Variants in TJP2 observed in about 807,000 individuals in gnomAD.
TJP2 encodes Friedreich ataxia region gene X104 (tight junction protein ZO-2).
A neutral mutation model predicts 133.1 loss-of-function variants in TJP2; 91 were observed. The observed-to-expected ratio is 0.68, with a 90% CI of 0.58 to 0.81. The LOEUF (loss-of-function observed/expected upper bound fraction) is 0.81, where lower values mean the gene tolerates loss of function less well. Ranked by LOEUF, TJP2 falls within the 40% of genes least tolerant of loss-of-function variation. The pLI is 0.00. For missense variants in TJP2, 1,541 were observed against 1,565.6 expected, an observed-to-expected ratio of 0.98 and a Z score of 0.26; for synonymous variants, 592 against 583.4, an observed-to-expected ratio of 1.01 and a Z score of -0.21.
At chr9:69,210,358 A>T (rs1827800980) in intron 1 of TJP2, among the ~76,000 whole-genome samples, 1 of 144,766 alleles carries the variant, frequency 6.9e-6, no homozygotes, top group Non-Finnish European at 1.5e-5. Flanking sequence ...ATGATGAATG[A>T]ATAGTGTATC....
upstream of TJP2, chr9:69,121,322 C>G (rs1463578218): frequency 1.0e-6 from 1 of 985,442 alleles, no homozygotes; most frequent in South Asian, 4.7e-5. Flanking sequence ...GCGTCTCCCT[C>G]CCGGGGCTCG....
At chr9:69,241,011 G>A (rs73452903) in intron 17 of TJP2, among the ~76,000 whole-genome samples, 9,056 of 152,254 alleles carry the variant, frequency 0.059, 291 homozygotes, top group South Asian at 0.067. Flanking sequence ...GAGGGGAGTA[G>A]ATGGGATTAT....
At chr9:69,205,580 TG>T (rs1222247122) in intron 1 of TJP2, among the ~76,000 whole-genome samples, 2 of 152,236 alleles carry the variant, frequency 1.3e-5, no homozygotes, top group Non-Finnish European at 2.9e-5. Flanking sequence ...TTTCTTGTTT[TG>T]GGATAAAACT....
chr9:69,168,667 C>T (rs567042382), intron 2 of TJP2, among the ~76,000 whole-genome samples: 16 of 151,596 alleles, frequency 1.1e-4, no homozygotes, highest in Admixed American at 4.6e-4. Flanking sequence ...TGGTGGTGGG[C>T]GCCTGTAGTC....
At chr9:69,249,303 T>C in intron 19 of TJP2, 72 bp from the exon 20 acceptor site, 1 of 1,551,170 alleles carries the variant, frequency 6.4e-7, no homozygotes, top group African/African-American at 1.4e-5. Flanking sequence ...GCAGAACTCC[T>C]CCAAAGCAGT....
At chr9:69,155,647 G>A (rs933893910) in intron 2 of TJP2, among the ~76,000 whole-genome samples, 21 of 152,240 alleles carry the variant, frequency 1.4e-4, no homozygotes, top group African/African-American at 4.8e-4. Flanking sequence ...CTCTATCTGT[G>A]GGGAAGGGAT....
In TJP2 at chr9:69,237,271, A is replaced by T. The variant is rs977881206; in HGVS notation, c.2179+135A>T. Reference sequence around the variant, plus strand: ...AAAGGCAGTTTATAGAGTTGAAATCAAATTCTAACAAGGAGCATGATTTAT... The same window carrying T: ...AAAGGCAGTTTATAGAGTTGAAATCTAATTCTAACAAGGAGCATGATTTAT... On this transcript the variant is annotated intron_variant, in intron 14 of 22. Coordinates refer to ENST00000377245, the MANE Select transcript of TJP2 (RefSeq NM_004817.4). 1.5e-5 allele frequency: 16 copies of T among 1,063,516 alleles called. No individual in the cohort carries two copies. The East Asian group carries it at 3.7e-4, about 24-fold the overall frequency. 65.9% of individuals were successfully genotyped at this position (1,063,516 alleles called of 1,614,324 possible). A position where few individuals can be genotyped will look rare whatever the true frequency, so the allele number is the denominator to read the frequency against.
rs531481444 is a variant in TJP2 at position 69,129,332 on chromosome 9, G to A, written c.-131+7607G>A. On this transcript the variant is annotated intron_variant, in intron 1 of 5. Coordinates refer to the TJP2 transcript ENST00000423935. Reference sequence around the variant, plus strand: ...TCGAGACCAGCCTGGCCAACATGGTGAAACCCAGTCTCTACTAAAAATATG... The same window carrying A: ...TCGAGACCAGCCTGGCCAACATGGTAAAACCCAGTCTCTACTAAAAATATG... Among the ~76,000 whole-genome samples, 24 of 152,126 alleles carry A rather than the reference G, an allele frequency of 1.6e-4. No homozygotes were observed. The South Asian group carries it at 2.9e-3, about 18-fold the overall frequency.
chr9:69,236,326 AC>A lies in TJP2; in HGVS notation c.1991+92del, dbSNP rs1830189914. ...CGCCCCCCTTCCCCCGTAAAAGGAA[AC>A]CCCACATGATGAGTTCATTACTTGT... On this transcript the variant is annotated intron_variant, in intron 13 of 22. Transcript: ENST00000377245. The A allele has an allele frequency of 2.3e-6, 3 of 1,326,878 alleles. No individual in the cohort carries two copies. In the Admixed American group the frequency reaches 5.6e-5, roughly 25 times the overall value. 82.2% of individuals were successfully genotyped at this position (1,326,878 alleles called of 1,614,324 possible). A position where few individuals can be genotyped will look rare whatever the true frequency, so the allele number is the denominator to read the frequency against.
Position 69,226,083 on chromosome 9 carries a change from C to T in TJP2, c.1118C>T (p.Ser373Leu). 6.2e-7 allele frequency: 1 copy of T among 1,614,084 alleles called. No individual in the cohort carries two copies. The change falls in exon 7 of 23, where the codon TCA becomes TTA. Residue 373 changes from serine (S) to leucine (L), a missense_variant. By Grantham distance (145) the Ser-to-Leu change is moderately radical. Coordinates refer to ENST00000377245, the MANE Select transcript of TJP2 (RefSeq NM_004817.4). ...GATGCTCGAAAATTGATAGAAAAGT[C>T]AAGAGGAAAACTACAGCTAGTGGTG... The part of the protein sequence containing the change: ...LTDARKLIEK[S>L]RGKLQLVVLR...
chr9:69,250,901 A>G, intron 20 of TJP2, 134 bp from the exon 21 acceptor site: 1 of 970,716 alleles, frequency 1.0e-6, no homozygotes, highest in Non-Finnish European at 1.6e-6. Flanking sequence ...CTGCTGTATT[A>G]CATTCCTTGT....
chr9:69,237,851 C>G (rs1298062552), intron 14 of TJP2, 27 bp from the exon 15 acceptor site: 7 of 1,536,036 alleles, frequency 4.6e-6, no homozygotes, highest in South Asian at 2.2e-5. Context: ...AGTGTGTATG[C>G]TTTAATGGCC....
At chr9:69,216,294 C>A in intron 2 of TJP2, 45 bp from the exon 3 acceptor site, 1 of 1,612,256 alleles carries the variant, frequency 6.2e-7, no homozygotes, top group Non-Finnish European at 8.5e-7. Context: ...ATCCTGAAAG[C>A]CACTTATTGA....
chr9:69,151,089 G>A (rs1192683134), intron 1 of TJP2, among the ~76,000 whole-genome samples: 1 of 152,192 alleles, frequency 6.6e-6, no homozygotes, highest in Non-Finnish European at 1.5e-5. Flanking sequence ...TTAGATTGGT[G>A]GTTGCCTAGG....
Position 69,240,150 on chromosome 9 carries a change from A to G in TJP2, c.2566+3A>G. On this transcript the variant is annotated splice_donor_region_variant and intron_variant, in intron 17 of 22. Transcript: ENST00000377245. ...AACGTGTGCACACCTTTTTACAGGT[A>G]AGTGAAATGTAAATGTAGTCCCTTT... The G allele has an allele frequency of 6.2e-7, 1 of 1,612,644 alleles. No individual in the cohort carries two copies. The highest frequency in any genetic ancestry group is 1.3e-5 in the African/African-American group (1 of 75,030).
At chr9:69,181,322 C>A (rs887888454) in intron 1 of TJP2, among the ~76,000 whole-genome samples, 4 of 143,906 alleles carry the variant, frequency 2.8e-5, no homozygotes, top group African/African-American at 1.0e-4. Flanking sequence ...GATCTCAGCT[C>A]ACTGCAACGT....
rs963144473 is a variant in TJP2 at position 69,177,651 on chromosome 9, G to GT, written c.60+3229dup. 1.6e-3 allele frequency among the ~76,000 whole-genome samples: 244 copies of GT among 148,956 alleles called. 1 individual carries two copies. Among genetic ancestry groups the GT allele is most frequent in the Non-Finnish European group, 1.8e-3 (122 of 67,074 alleles). On this transcript the variant is annotated intron_variant, in intron 1 of 22. Coordinates refer to ENST00000377245, the MANE Select transcript of TJP2 (RefSeq NM_004817.4). ...TTTTAATTTTATTTTTGTTTTTTTGGTTTTTTTTTTGGAGATGGAGTCTTG... is the reference window on the plus strand; with the variant it reads ...TTTTAATTTTATTTTTGTTTTTTTGGTTTTTTTTTTTGGAGATGGAGTCTTG...
chr9:69,249,739 C>G, intron 20 of TJP2: 1 of 985,114 alleles, frequency 1.0e-6, no homozygotes, highest in Non-Finnish European at 1.2e-6. Flanking sequence ...ATTTACTCTT[C>G]TTGTTAAAAA....
At chr9:69,223,620 T>C (rs1196645013) in intron 5 of TJP2, among the ~76,000 whole-genome samples, 1 of 151,582 alleles carries the variant, frequency 6.6e-6, no homozygotes, top group East Asian at 1.9e-4. Flanking sequence ...GAGTGCATTT[T>C]TTAAGAGGAT....
Sources: gnomAD v4.1 joint callset for allele counts (sites outside exome capture counted in the v4.1 genomes callset) on GRCh38, gnomAD v4.1.1 for gene constraint, MANE v1.5 for transcripts, NCBI Gene and HGNC (gene_info 2026-07-23, HGNC 2026-07-21) for gene names.